The following MTUS2 variants were observed in gnomAD, a reference collection of about 807,000 sequenced individuals.
MTUS2 encodes microtubule associated scaffold protein 2, also known as microtubule-associated tumor suppressor candidate 2.
In MTUS2, 40 loss-of-function variants were observed where a neutral mutation model predicts 114.1. The observed-to-expected ratio is 0.35, with a 90% confidence interval of 0.27 to 0.46. The LOEUF is 0.46. Among genes scored for constraint, MTUS2 ranks in the 20% least tolerant of loss-of-function variants. The pLI is 1.00. For missense variants in MTUS2, 1,679 were observed against 1,705.4 expected (o/e 0.98, Z 0.27); for synonymous variants, 688 against 672.0 (o/e 1.02, Z -0.37).
At chr13:28,824,285 A>G (rs1874115997) in intron 1 of MTUS2, among the ~76,000 whole-genome samples, 1 of 152,204 alleles carries the variant, frequency 6.6e-6, no homozygotes, top group African/African-American at 2.4e-5. Flanking sequence ...ATATATGTGT[A>G]TCTCCTACCA....
At chr13:29,013,770 C>CAACA (rs1885950406) in intron 2 of MTUS2, among the ~76,000 whole-genome samples, 1 of 151,510 alleles carries the variant, frequency 6.6e-6, no homozygotes, top group Non-Finnish European at 1.5e-5. Flanking sequence ...GTTAAACTAT[C>CAACA]CACACACACA....
chr13:28,962,919 A>G lies in MTUS2; in HGVS notation c.-242-61538A>G, dbSNP rs1222909807. Among the ~76,000 whole-genome samples the G allele has an allele frequency of 2.0e-5, 3 of 152,140 alleles. No individual in the cohort carries two copies. In the East Asian group the frequency reaches 5.8e-4, roughly 29 times the overall value. ...CAGGAGAAATGCCCTGAGAATTCTG[A>G]TGGGTCCTCTATCCTGCACCATCAG... On this transcript the variant is annotated intron_variant, in intron 2 of 15. Transcript: ENST00000612955.
intron 2 of MTUS2, among the ~76,000 whole-genome samples, chr13:28,956,195 A>G (rs1462898487): frequency 6.6e-6 from 1 of 152,052 alleles, no homozygotes; most frequent in African/African-American, 2.4e-5. Context: ...CACTTAGAAT[A>G]ATAGTCTCTA....
At chr13:29,445,615 A>G (rs1878220955) in intron 9 of MTUS2, among the ~76,000 whole-genome samples, 1 of 152,140 alleles carries the variant, frequency 6.6e-6, no homozygotes, top group African/African-American at 2.4e-5. Flanking sequence ...TCAAGAGTTT[A>G]TATAATTCTG....
chr13:29,248,987 C>T (rs116116798), intron 5 of MTUS2, among the ~76,000 whole-genome samples: 2,767 of 151,920 alleles, frequency 0.018, 92 homozygotes, highest in African/African-American at 0.064. Flanking sequence ...TTCGTTTGTT[C>T]GTTTGTTCTT....
At chr13:29,203,401 G>A (rs1322742495) in intron 5 of MTUS2, among the ~76,000 whole-genome samples, 1 of 152,142 alleles carries the variant, frequency 6.6e-6, no homozygotes, top group Non-Finnish European at 1.5e-5. Context: ...TCAGACTGCT[G>A]TGCTGGCAGC....
intron 2 of MTUS2, among the ~76,000 whole-genome samples, chr13:28,894,133 C>G (rs1016468087): frequency 6.6e-6 from 1 of 151,618 alleles, no homozygotes; most frequent in Non-Finnish European, 1.5e-5. Context: ...CACCTTCACC[C>G]TACAATTCAT....
At chr13:29,015,233 A>G (rs1418198916) in intron 2 of MTUS2, among the ~76,000 whole-genome samples, 1 of 152,234 alleles carries the variant, frequency 6.6e-6, no homozygotes, top group South Asian at 2.1e-4. Flanking sequence ...AACTGTGTGT[A>G]AATTATACTT....
At chr13:28,867,331 A>G (rs1056001536) in intron 2 of MTUS2, among the ~76,000 whole-genome samples, 3 of 152,214 alleles carry the variant, frequency 2.0e-5, no homozygotes, top group Non-Finnish European at 4.4e-5. Flanking sequence ...TTGATTTAAT[A>G]TAGATTTTTA....
At chr13:29,245,787 C>T (rs1302059813) in intron 5 of MTUS2, among the ~76,000 whole-genome samples, 1 of 150,738 alleles carries the variant, frequency 6.6e-6, no homozygotes, top group East Asian at 2.0e-4. Flanking sequence ...AGCTCTGCCT[C>T]CCAGGTTCAC....
intron 8 of MTUS2, among the ~76,000 whole-genome samples, chr13:29,375,618 T>TA (rs1388703608): frequency 1.9e-4 from 2 of 10,806 alleles, no homozygotes; most frequent in African/African-American, 4.8e-4. Flanking sequence ...CGTATATATA[T>TA]ATATATATAT....
At chr13:29,054,591 A>G (rs1158194019) in intron 4 of MTUS2, among the ~76,000 whole-genome samples, 4 of 152,112 alleles carry the variant, frequency 2.6e-5, no homozygotes, top group African/African-American at 9.7e-5. Flanking sequence ...GATTAATTTC[A>G]CAACAGTTTA....
At chr13:29,325,914 C>T (rs1423807671) in intron 7 of MTUS2, among the ~76,000 whole-genome samples, 2 of 152,060 alleles carry the variant, frequency 1.3e-5, no homozygotes, top group Admixed American at 6.5e-5. Flanking sequence ...ATCTGTGTCC[C>T]GGACTTACAT....
chr13:29,298,227 C>T (rs1236709540), intron 6 of MTUS2, among the ~76,000 whole-genome samples: 26 of 152,136 alleles, frequency 1.7e-4, no homozygotes, highest in Admixed American at 1.7e-3. Flanking sequence ...TTCCTTTATT[C>T]AGACTAAGGT....
intron 5 of MTUS2, among the ~76,000 whole-genome samples, chr13:29,276,691 A>G (rs963359883): frequency 3.9e-5 from 6 of 152,150 alleles, no homozygotes; most frequent in African/African-American, 1.4e-4. Context: ...TGAGGTCAGG[A>G]GTTCAAGACC....
At chr13:29,437,775 C>T (rs1034525798) in intron 8 of MTUS2, among the ~76,000 whole-genome samples, 5 of 152,018 alleles carry the variant, frequency 3.3e-5, no homozygotes, top group Non-Finnish European at 5.9e-5. Context: ...GGTGAAACCT[C>T]GTCTCTACTA....
At chr13:28,989,845 T>G (rs1001873618) in intron 2 of MTUS2, among the ~76,000 whole-genome samples, 1 of 106,186 alleles carries the variant, frequency 9.4e-6, no homozygotes, top group Non-Finnish European at 2.0e-5. Flanking sequence ...TTTTTTTGTT[T>G]TGTTTTGTTT....
At chr13:29,058,873 A>G (rs1423319109) in intron 4 of MTUS2, among the ~76,000 whole-genome samples, 1 of 152,058 alleles carries the variant, frequency 6.6e-6, no homozygotes, top group Non-Finnish European at 1.5e-5. Flanking sequence ...TTCTGGTTAT[A>G]TTATGAAATT....
intron 4 of MTUS2, among the ~76,000 whole-genome samples, chr13:29,081,134 T>G (rs1889422707): frequency 6.6e-6 from 1 of 152,156 alleles, no homozygotes; most frequent in African/African-American, 2.4e-5. Flanking sequence ...GGAGATTGGC[T>G]TGGAGTTTTT....
Sources: allele counts gnomAD v4.1 joint callset (sites outside exome capture counted in the v4.1 genomes callset), GRCh38; gene constraint gnomAD v4.1.1; transcripts MANE v1.5; gene names NCBI Gene and HGNC (gene_info 2026-07-23, HGNC 2026-07-21).